The following FAM168A variants were observed in gnomAD, a reference collection of about 807,000 sequenced individuals.
FAM168A encodes the protein protein FAM168A.
FAM168A carries 3 observed loss-of-function variants against 28.5 expected under a neutral mutation model. The ratio of observed to expected loss-of-function variants is 0.11; its 90% confidence interval spans 0.05 to 0.27. The LOEUF is 0.27. Ranked by LOEUF, FAM168A falls within the 10% of genes least tolerant of loss-of-function variation. FAM168A has a pLI of 1.00. For synonymous variants in FAM168A, 122 were observed against 124.2 expected, an observed-to-expected ratio of 0.98 and a Z score of 0.12; for missense variants, 222 against 311.5, an observed-to-expected ratio of 0.71 and a Z score of 2.16.
intron 1 of FAM168A, among the ~76,000 whole-genome samples, chr11:73,484,039 C>T (rs1451195662): frequency 6.6e-6 from 1 of 152,192 alleles, no homozygotes; most frequent in African/African-American, 2.4e-5. Flanking sequence ...GTTAAAGAAG[C>T]AAGCCTGCTT....
At chr11:73,496,873 T>TCTCACACACACA (rs368457408) in intron 1 of FAM168A, among the ~76,000 whole-genome samples, 1 of 140,132 alleles carries the variant, frequency 7.1e-6, no homozygotes, top group African/African-American at 2.7e-5. Flanking sequence ...TATGTTCTTA[T>TCTCACACACACA]CACACACACA....
rs191745821 is a variant in FAM168A at position 73,552,922 on chromosome 11, A to G, written c.-19+45001T>C. Among the ~76,000 whole-genome samples the G allele has an allele frequency of 5.2e-3, 788 of 152,348 alleles. 5 individuals are homozygous for G. Among genetic ancestry groups the G allele is most frequent in the Middle Eastern group, 0.02 (6 of 294 alleles). The stretch of plus-strand genomic sequence containing the variant: ...CAGTGAGCCGAGATCGCGCCACTGC[A>G]TTCCAGCCTGGGTGACAGAGTGAGA... On this transcript the variant is annotated intron_variant, in intron 1 of 7. Transcript: ENST00000356467.
At chr11:73,511,757 A>G (rs937120787) in intron 1 of FAM168A, among the ~76,000 whole-genome samples, 8 of 152,258 alleles carry the variant, frequency 5.3e-5, no homozygotes, top group African/African-American at 1.9e-4. Context: ...AACATCTCCG[A>G]GTCTTAGTTT....
At chr11:73,493,013 T>TG (rs1854783340) in intron 1 of FAM168A, among the ~76,000 whole-genome samples, 1 of 152,136 alleles carries the variant, frequency 6.6e-6, no homozygotes, top group South Asian at 2.1e-4. Flanking sequence ...CAACAGACCT[T>TG]GGGCTCTACC....
intron 1 of FAM168A, among the ~76,000 whole-genome samples, chr11:73,549,154 G>C (rs992671719): frequency 2.0e-5 from 3 of 151,966 alleles, no homozygotes; most frequent in Admixed American, 2.0e-4. Context: ...GTTGGCCAAA[G>C]TGGTCTCGAA....
intron 1 of FAM168A, among the ~76,000 whole-genome samples, chr11:73,591,001 G>A (rs890925217): frequency 7.9e-5 from 12 of 152,058 alleles, no homozygotes; most frequent in Admixed American, 2.0e-4. Context: ...ACAATTAGCC[G>A]GGCATGGTGG....
chr11:73,507,881 G>A (rs1207542717), intron 1 of FAM168A, among the ~76,000 whole-genome samples: 1 of 152,000 alleles, frequency 6.6e-6, no homozygotes, highest in African/African-American at 2.4e-5. Context: ...GCAGGACTTG[G>A]GTATGTGTAG....
chr11:73,429,093 T>A (rs10898920), intron 3 of FAM168A, among the ~76,000 whole-genome samples: 47,733 of 152,028 alleles, frequency 0.31, 9,718 homozygotes, highest in African/African-American at 0.58. Flanking sequence ...AATGAGGTTC[T>A]GATAGGTCAG....
intron 1 of FAM168A, among the ~76,000 whole-genome samples, chr11:73,571,608 C>G (rs1273668780): frequency 1.3e-5 from 2 of 151,684 alleles, no homozygotes; most frequent in East Asian, 3.9e-4. Context: ...ACCTCCACCT[C>G]CCAGCCGCCT....
At chr11:73,445,807 CACTT>C (rs1352047281) in intron 2 of FAM168A, among the ~76,000 whole-genome samples, 2 of 152,316 alleles carry the variant, frequency 1.3e-5, no homozygotes, top group East Asian at 1.9e-4. Flanking sequence ...CTGGGCAAGA[CACTT>C]ACAGCCCTTA....
chr11:73,483,314 G>C (rs1867993110), intron 1 of FAM168A, among the ~76,000 whole-genome samples: 1 of 152,140 alleles, frequency 6.6e-6, no homozygotes. Context: ...CCCTTTCCCA[G>C]GTCTAGGGCT....
chr11:73,503,567 C>T (rs148522216), intron 1 of FAM168A, among the ~76,000 whole-genome samples: 1 of 152,244 alleles, frequency 6.6e-6, no homozygotes, highest in African/African-American at 2.4e-5. Context: ...ATGAAAATGG[C>T]CACACTGTCA....
chr11:73,487,687 T>C (rs530780176), intron 1 of FAM168A, among the ~76,000 whole-genome samples: 47 of 152,314 alleles, frequency 3.1e-4, no homozygotes, highest in Admixed American at 1.2e-3. Context: ...TCCATGGTTA[T>C]AATCCTTGAC....
intron 1 of FAM168A, among the ~76,000 whole-genome samples, chr11:73,563,425 A>G (rs117101179): frequency 6.6e-6 from 1 of 152,226 alleles, no homozygotes; most frequent in South Asian, 2.1e-4. Context: ...CGTATGCAAT[A>G]AACTGTAGCT....
chr11:73,545,463 T>G (rs1943734976), intron 1 of FAM168A, among the ~76,000 whole-genome samples: 1 of 152,010 alleles, frequency 6.6e-6, no homozygotes. Flanking sequence ...AGAGGGTGAT[T>G]GCTAAAGGGT....
intron 3 of FAM168A, 148 bp from the exon 4 acceptor site, chr11:73,420,147 T>C: frequency 1.2e-6 from 1 of 834,926 alleles, no homozygotes; most frequent in East Asian, 2.8e-5. Context: ...CTTTCTGAGA[T>C]GGTTGAGTGG....
At chr11:73,514,425 T>C (rs1943272442) in intron 1 of FAM168A, among the ~76,000 whole-genome samples, 1 of 152,228 alleles carries the variant, frequency 6.6e-6, no homozygotes, top group Admixed American at 6.5e-5. Context: ...ACATACATAG[T>C]GTTTGAGGGA....
chr11:73,488,346 G>A (rs1184967364), intron 1 of FAM168A, among the ~76,000 whole-genome samples: 1 of 152,036 alleles, frequency 6.6e-6, no homozygotes, highest in African/African-American at 2.4e-5. Context: ...GGCCAGGCTG[G>A]TCTTGAACTC....
intron 1 of FAM168A, among the ~76,000 whole-genome samples, chr11:73,491,032 C>T (rs577109374): frequency 3.3e-5 from 5 of 152,270 alleles, no homozygotes; most frequent in African/African-American, 1.2e-4. Flanking sequence ...AATGAAAGCT[C>T]CCATTAGTCA....
Sources: allele counts gnomAD v4.1 joint callset (sites outside exome capture counted in the v4.1 genomes callset), GRCh38; gene constraint gnomAD v4.1.1; transcripts MANE v1.5; gene names NCBI Gene and HGNC (gene_info 2026-07-23, HGNC 2026-07-21).